Variants in NSD2 observed in about 807,000 individuals in gnomAD.
NSD2 encodes the protein histone-lysine N-methyltransferase NSD2.
NSD2 carries 12 observed loss-of-function variants against 139.0 expected under a neutral mutation model. That is an observed-to-expected ratio of 0.09 (90% CI 0.06 to 0.14). The LOEUF (loss-of-function observed/expected upper bound fraction) is 0.14. NSD2 is among the 10% of genes least tolerant of loss of function. The probability of loss-of-function intolerance (pLI) is 1.00; values close to 1 mark genes in which losing one functional copy is unlikely to be tolerated. For synonymous variants in NSD2, 669 were observed against 648.7 expected, an observed-to-expected ratio of 1.03 and a Z score of -0.48; for missense variants, 1,155 against 1,745.0, an observed-to-expected ratio of 0.66 and a Z score of 6.02.
chr4:1,908,795 A>C (rs989029646), intron 3 of NSD2, among the ~76,000 whole-genome samples: 1 of 151,912 alleles, frequency 6.6e-6, no homozygotes, highest in Non-Finnish European at 1.5e-5. Context: ...TTGTTTTGAG[A>C]TAGGGTCTTG....
At chr4:1,932,771 A>G (rs1213142189) in intron 6 of NSD2, among the ~76,000 whole-genome samples, 3 of 152,148 alleles carry the variant, frequency 2.0e-5, no homozygotes, top group South Asian at 2.1e-4. Flanking sequence ...ATGAAAATCC[A>G]TACAGATGCC....
At chr4:1,896,159 C>G (rs1379554340) in intron 1 of NSD2, among the ~76,000 whole-genome samples, 1 of 152,228 alleles carries the variant, frequency 6.6e-6, no homozygotes, top group Non-Finnish European at 1.5e-5. Context: ...TGCTCCTAAT[C>G]ACGGCAGCCA....
rs1241205369 is a variant in NSD2, at chr4:1,973,877, C to T, written c.3373-986C>T. On this transcript the variant is annotated intron_variant, in intron 18 of 21. Transcript: ENST00000508803. This position sits in a 1 kb window ranked among gnomAD's most constrained non-coding sequence, Gnocchi z 5.5. ...CGGTTGTGCGGTGGATCTGGCGGCT[C>T]CTCAGGTGGAGGCCGGGGCCGTCCA... is the stretch of plus-strand genomic sequence containing the variant. Among the ~76,000 whole-genome samples the T allele has an allele frequency of 6.6e-6, 1 of 152,220 alleles. No individual in the cohort carries two copies. The highest frequency in any genetic ancestry group is 1.5e-5 in the Non-Finnish European group (1 of 68,042).
At chr4:1,916,485 A>G (rs1199714329) in intron 3 of NSD2, among the ~76,000 whole-genome samples, 1 of 152,164 alleles carries the variant, frequency 6.6e-6, no homozygotes, top group African/African-American at 2.4e-5. Context: ...AGCTGGGACT[A>G]CAGGTGCACA....
At chr4:1,890,638 G>A (rs1358870150) in intron 1 of NSD2, among the ~76,000 whole-genome samples, 8 of 151,148 alleles carry the variant, frequency 5.3e-5, no homozygotes, top group African/African-American at 1.7e-4. Flanking sequence ...TTTCACTTTC[G>A]TTGCCCAGGC....
At position 1,909,574 on chromosome 4, in the gene NSD2, AGTGG is replaced by A. The variant is rs1718389861; in HGVS notation, c.760+5198_760+5201del. Among the ~76,000 whole-genome samples, 3 of 151,848 alleles carry A rather than the reference AGTGG, an allele frequency of 2.0e-5. No individual in the cohort carries two copies. The South Asian group carries it at 6.2e-4, about 32-fold the overall frequency. ...GAAGAAGAGATAGCTCCTGCCGTGG[AGTGG>A]GCTGAGCATGGGTCCTGTGAAGCCA... On this transcript the variant is annotated intron_variant, in intron 3 of 21. Transcript: ENST00000508803.
At chr4:1,895,851 C>G (rs139736882) in intron 1 of NSD2, among the ~76,000 whole-genome samples, 268 of 152,362 alleles carry the variant, frequency 1.8e-3, no homozygotes, top group African/African-American at 6.2e-3. Flanking sequence ...AAGGGTGGCT[C>G]TGTCACCCCA....
At chr4:1,943,923 A>C (rs1437850932) in intron 9 of NSD2, 3 of 1,063,852 alleles carry the variant, frequency 2.8e-6, no homozygotes, top group Admixed American at 5.4e-5. Context: ...TGATAGATGC[A>C]TTAGAAGTCA....
chr4:1,910,464 G>A (rs1718523121), intron 3 of NSD2, among the ~76,000 whole-genome samples: 1 of 152,112 alleles, frequency 6.6e-6, no homozygotes, highest in Non-Finnish European at 1.5e-5. Context: ...TTTTAAGTTG[G>A]AAACAGAAGA....
chr4:1,875,501 A>T (rs536767625), intron 1 of NSD2, among the ~76,000 whole-genome samples: 90 of 151,630 alleles, frequency 5.9e-4, no homozygotes, highest in Non-Finnish European at 9.9e-4. Context: ...GCTGGTCATG[A>T]ACTCCTGGGC....
intron 3 of NSD2, among the ~76,000 whole-genome samples, chr4:1,912,481 T>C (rs1171697216): frequency 6.6e-6 from 1 of 152,230 alleles, no homozygotes; most frequent in Non-Finnish European, 1.5e-5. Context: ...TGGAATTAAT[T>C]ACTGCCTTTC....
intron 5 of NSD2, among the ~76,000 whole-genome samples, chr4:1,919,952 A>C (rs1175910364): frequency 6.6e-6 from 1 of 152,074 alleles, no homozygotes; most frequent in Non-Finnish European, 1.5e-5. Context: ...AAGGAAAAAA[A>C]GTCTGTCTTC....
chr4:1,883,428 T>TC (rs1714848442), intron 1 of NSD2, among the ~76,000 whole-genome samples: 3 of 151,610 alleles, frequency 2.0e-5, no homozygotes, highest in Non-Finnish European at 4.4e-5. Flanking sequence ...GGCCAGGAGT[T>TC]CAAGACCAGC....
At position 1,935,370 on chromosome 4, in the gene NSD2, C is replaced by T. The variant is rs1299167255; in HGVS notation, c.1674+108C>T. The T allele has an allele frequency of 1.3e-5, 10 of 773,116 alleles. 1 individual carries two copies. The highest frequency in any genetic ancestry group is 1.8e-5 in the African/African-American group (1 of 56,862). The allele number at this position is 773,116 out of a possible 1,614,324, so 47.9% of individuals were successfully genotyped here. ...CACATGAGATGCAGGTGTCAGTGCA[C>T]CCAGCTCCTTCCAGGCTGGTATTCA... On this transcript the variant is annotated intron_variant, in intron 7 of 21. Coordinates refer to ENST00000508803, the MANE Select transcript of NSD2 (RefSeq NM_001042424.3).
intron 9 of NSD2, chr4:1,941,741 C>T (rs1017070582): frequency 6.7e-6 from 7 of 1,047,944 alleles, no homozygotes; most frequent in Non-Finnish European, 8.1e-6. Flanking sequence ...TTTTGTATGG[C>T]TTAGATAAAT....
intron 18 of NSD2, among the ~76,000 whole-genome samples, chr4:1,970,164 C>T (rs182489476): frequency 2.0e-5 from 3 of 152,202 alleles, no homozygotes; most frequent in African/African-American, 7.2e-5. Flanking sequence ...TCACATTGGG[C>T]GACGTCGTAA....
intron 5 of NSD2, among the ~76,000 whole-genome samples, chr4:1,927,226 C>T (rs1427862414): frequency 6.6e-6 from 1 of 152,254 alleles, no homozygotes; most frequent in Admixed American, 6.5e-5. Flanking sequence ...CAAGAAAGAG[C>T]AAGGTGGATA....
intron 1 of NSD2, among the ~76,000 whole-genome samples, chr4:1,873,016 C>T (rs553357768): frequency 1.3e-5 from 2 of 152,306 alleles, no homozygotes; most frequent in East Asian, 1.9e-4. Context: ...TGCTCTCATT[C>T]CCCACAACTG....
intron 6 of NSD2, among the ~76,000 whole-genome samples, chr4:1,932,500 A>G (rs1404257303): frequency 6.6e-6 from 1 of 151,180 alleles, no homozygotes; most frequent in Admixed American, 6.6e-5. Context: ...TAATCCCAGC[A>G]CTTTGGGAGG....
Sources: gnomAD v4.1 joint callset for allele counts (sites outside exome capture counted in the v4.1 genomes callset) on GRCh38, gnomAD v4.1.1 for gene constraint, Gnocchi (gnomAD v3.1) non-coding constraint, MANE v1.5 for transcripts, NCBI Gene and HGNC (gene_info 2026-07-23, HGNC 2026-07-21) for gene names.